Variants in BMP3 observed in about 807,000 individuals in gnomAD.
The protein encoded by BMP3 is bone morphogenetic protein 3.
BMP3 carries 23 observed loss-of-function variants against 38.1 expected under a neutral mutation model. That is an observed-to-expected ratio of 0.60 (90% CI 0.43 to 0.86). The LOEUF is 0.86. Ranked by LOEUF, BMP3 falls within the 40% of genes least tolerant of loss-of-function variation. The probability of loss-of-function intolerance (pLI) is 0.00; values close to 1 mark genes in which losing one functional copy is unlikely to be tolerated. For missense variants in BMP3, 628 were observed against 579.6 expected (o/e 1.08, Z -0.86); for synonymous variants, 258 against 225.7 (o/e 1.14, Z -1.28).
intron 1 of BMP3, among the ~76,000 whole-genome samples, chr4:81,032,704 G>T (rs1560509468): frequency 1.3e-5 from 2 of 152,228 alleles, no homozygotes; most frequent in South Asian, 4.1e-4. Context: ...TGATATGCAA[G>T]ACTCCTGGAA....
chr4:81,033,421 T>G (rs986349743), intron 1 of BMP3, among the ~76,000 whole-genome samples: 1 of 152,168 alleles, frequency 6.6e-6, no homozygotes, highest in African/African-American at 2.4e-5. Context: ...TCTCATAGCA[T>G]CAAATAATAA....
At chr4:81,048,625 T>C (rs1740325224) in intron 2 of BMP3, among the ~76,000 whole-genome samples, 1 of 152,228 alleles carries the variant, frequency 6.6e-6, no homozygotes, top group African/African-American at 2.4e-5. Context: ...CGAAACCTGC[T>C]GTTACTTCAG....
chr4:81,050,000 A>G (rs9985825), intron 2 of BMP3, among the ~76,000 whole-genome samples: 5,617 of 152,242 alleles, frequency 0.037, 332 homozygotes, highest in African/African-American at 0.13. Context: ...TTTGTCTGCA[A>G]AAGTTGACAA....
rs376908781 is a variant in BMP3, at chr4:81,031,166, C to T, written c.-119C>T. ...CTGCACCCGGCCGCGTCCCGGGCTCCGTGCGCCCTCGCCCCAGCTGGTTTG... is the reference window on the plus strand; with the variant it reads ...CTGCACCCGGCCGCGTCCCGGGCTCTGTGCGCCCTCGCCCCAGCTGGTTTG... On this transcript the variant is annotated 5_prime_UTR_variant, in exon 1 of 3. Transcript: ENST00000282701. The T allele has an allele frequency of 2.2e-5, 25 of 1,121,706 alleles. No homozygotes were observed. In the South Asian group the frequency reaches 3.3e-4, roughly 15 times the overall value. The allele number at this position is 1,121,706 out of a possible 1,614,324, so 69.5% of individuals were successfully genotyped here.
intron 2 of BMP3, among the ~76,000 whole-genome samples, chr4:81,052,232 T>C (rs72870282): frequency 0.044 from 6,709 of 152,132 alleles, 178 homozygotes; most frequent in African/African-American, 0.07. Flanking sequence ...CCTGAATTGG[T>C]CTCTGGCAAG....
chr4:81,031,260 C>T lies in BMP3; in HGVS notation c.-25C>T. 2 of 1,557,396 alleles carry T rather than the reference C, an allele frequency of 1.3e-6. No individual in the cohort carries two copies. The highest frequency in any genetic ancestry group is 1.7e-6 in the Non-Finnish European group (2 of 1,151,734). ...AGTGTCCCGCAGCGACGCCGGGAGC[C>T]GACGCGCCGCGCGGGTACCTAGCCA... On this transcript the variant is annotated 5_prime_UTR_variant, in exon 1 of 3. Transcript: ENST00000282701.
chr4:81,047,187 G>A (rs184723998), intron 2 of BMP3, among the ~76,000 whole-genome samples: 69 of 152,264 alleles, frequency 4.5e-4, no homozygotes, highest in Admixed American at 1.1e-3. Flanking sequence ...AATCCACTAC[G>A]TGCTTATTTC....
At chr4:81,033,832 C>T (rs1739844284) in intron 1 of BMP3, among the ~76,000 whole-genome samples, 1 of 152,196 alleles carries the variant, frequency 6.6e-6, no homozygotes, top group Admixed American at 6.5e-5. Flanking sequence ...GTGAAAGATG[C>T]TGTCTAAATT....
chr4:81,049,262 A>T (rs1357388675), intron 2 of BMP3, among the ~76,000 whole-genome samples: 1 of 152,180 alleles, frequency 6.6e-6, no homozygotes, highest in Non-Finnish European at 1.5e-5. Flanking sequence ...CAAGAGAATA[A>T]AAGTTGTAAG....
At chr4:81,039,596 GTT>G (rs1399505311) in intron 1 of BMP3, among the ~76,000 whole-genome samples, 2 of 152,074 alleles carry the variant, frequency 1.3e-5, no homozygotes, top group Non-Finnish European at 2.9e-5. Flanking sequence ...CAAGTGCTTT[GTT>G]TTTAGATAAA....
intron 1 of BMP3, among the ~76,000 whole-genome samples, chr4:81,043,775 G>C (rs569754750): frequency 5.3e-5 from 8 of 151,858 alleles, no homozygotes; most frequent in Non-Finnish European, 1.0e-4. Flanking sequence ...TTTTAGTAGA[G>C]ACAGGGTTTC....
chr4:81,042,397 C>A (rs965359102), intron 1 of BMP3, among the ~76,000 whole-genome samples: 1 of 152,142 alleles, frequency 6.6e-6, no homozygotes, highest in African/African-American at 2.4e-5. Flanking sequence ...TACTACTAGA[C>A]CCACTTTATA....
intron 1 of BMP3, among the ~76,000 whole-genome samples, chr4:81,042,379 A>G (rs1740101522): frequency 1.3e-5 from 2 of 152,178 alleles, no homozygotes; most frequent in South Asian, 4.1e-4. Flanking sequence ...CAACAACTCT[A>G]TAGTTGCTAC....
rs1338806639 is a variant in BMP3 at position 81,057,626 on chromosome 4, A to T, written c.*4090A>T. 6.6e-6 allele frequency: 1 copy of T among 152,150 alleles called. No individual in the cohort carries two copies. Among genetic ancestry groups the T allele is most frequent in the African/African-American group, 2.4e-5 (1 of 41,456 alleles). 9.4% of individuals were successfully genotyped at this position (152,150 alleles called of 1,614,324 possible). On this transcript the variant is annotated 3_prime_UTR_variant, in exon 3 of 3. Coordinates refer to ENST00000282701, the MANE Select transcript of BMP3 (RefSeq NM_001201.5). The stretch of plus-strand genomic sequence containing the variant: ...GTAATAAAGCTTAAGCATAGAGTTG[A>T]ACATTTTCAAATGGTATTCTAAATG...
intron 1 of BMP3, among the ~76,000 whole-genome samples, chr4:81,044,109 A>T (rs1043302858): frequency 2.0e-5 from 3 of 152,182 alleles, no homozygotes; most frequent in Admixed American, 2.0e-4. Context: ...GAAGTTGGTA[A>T]GTGGCTGAGC....
At chr4:81,043,052 C>T (rs1740121222) in intron 1 of BMP3, among the ~76,000 whole-genome samples, 1 of 152,214 alleles carries the variant, frequency 6.6e-6, no homozygotes, top group East Asian at 1.9e-4. Flanking sequence ...ATTGCACTTC[C>T]CTTGTGCTTG....
intron 1 of BMP3, among the ~76,000 whole-genome samples, chr4:81,032,746 G>A (rs1739813580): frequency 6.6e-6 from 1 of 152,234 alleles, no homozygotes; most frequent in Non-Finnish European, 1.5e-5. Flanking sequence ...ATCAAGGAAA[G>A]CCCTGCATTG....
chr4:81,031,299 C>A lies in BMP3; in HGVS notation c.15C>A (p.Ser5Arg). ...GGTACCTAGCCATGGCTGGGGCGAG[C>A]AGGCTGCTCTTTCTGTGGCTGGGCT... MAGA[S>R]RLLFLWLGCF... The change falls in exon 1 of 3, where the codon AGC becomes AGA. Residue 5 changes from serine to arginine, a missense_variant. By Grantham distance (110) the Ser-to-Arg change is moderately radical. Coordinates refer to ENST00000282701, the MANE Select transcript of BMP3 (RefSeq NM_001201.5). 6.2e-7 allele frequency: 1 copy of A among 1,605,256 alleles called. No individual in the cohort carries two copies. Among genetic ancestry groups the A allele is most frequent in the Non-Finnish European group, 8.5e-7 (1 of 1,175,756 alleles).
In BMP3 at chr4:81,046,284, AGC is replaced by A; in HGVS notation, c.866_867del (p.Arg289LeufsTer21). On this transcript the variant is annotated frameshift_variant, in exon 2 of 3. Transcript: ENST00000282701. LOFTEE classifies it high-confidence loss of function. ...GCCCTTTCCATTGAGCGGAGGAAGA[AGC>A]GCTCTACTGGGGTCTTGCTGCCTCT... is the stretch of plus-strand genomic sequence containing the variant. 1 of 1,614,076 alleles carries A rather than the reference AGC, an allele frequency of 6.2e-7. No homozygotes were observed. The highest frequency in any genetic ancestry group is 8.5e-7 in the Non-Finnish European group (1 of 1,180,004).
Sources: gnomAD v4.1 joint callset for allele counts (sites outside exome capture counted in the v4.1 genomes callset) on GRCh38, gnomAD v4.1.1 for gene constraint, MANE v1.5 for transcripts, NCBI Gene and HGNC (gene_info 2026-07-23, HGNC 2026-07-21) for gene names.